NOTCH2: variants seen among roughly 807,000 people sequenced by gnomAD.
NOTCH2 encodes notch receptor 2, also known as neurogenic locus notch homolog protein 2.
In NOTCH2, 29 loss-of-function variants were observed where a neutral mutation model predicts 235.8. The ratio of observed to expected loss-of-function variants is 0.12; its 90% CI spans 0.09 to 0.17. The LOEUF (loss-of-function observed/expected upper bound fraction) is 0.17. NOTCH2 is among the 10% of genes least tolerant of loss of function. The pLI is 1.00. For missense variants in NOTCH2, 2,285 were observed against 3,150.2 expected, an observed-to-expected ratio of 0.73 and a Z score of 6.57; for synonymous variants, 1,086 against 1,141.5, an observed-to-expected ratio of 0.95 and a Z score of 0.98.
Position 119,986,988 on chromosome 1 carries a change from G to GT in NOTCH2, c.845dup (p.Tyr282Ter), listed in dbSNP as rs1557834055. 1 of 1,613,658 alleles carries GT rather than the reference G, an allele frequency of 6.2e-7. No homozygotes were observed. Residue 282 changes from tyrosine (Y) to a stop codon, truncating the protein, a stop_gained and frameshift_variant, in exon 5 of 34, where the codon TAC becomes TAAC. Transcript: ENST00000256646. LOFTEE classifies it high-confidence loss of function. ...TCCATTGTGGGGGACAGCGGCAGTT[G>GT]TAAGTGTTGACCCCATCCACACAAA... ...GGVCVDGVNT[Y>*]NCRCPPQWTG...
At chr1:120,065,171 T>C (rs1307764926) in intron 1 of NOTCH2, among the ~76,000 whole-genome samples, 6 of 152,252 alleles carry the variant, frequency 3.9e-5, no homozygotes, top group African/African-American at 1.4e-4. Flanking sequence ...ATGAAACATC[T>C]GGGGAAGGGA....
chr1:119,925,888 C>A, intron 24 of NOTCH2, 78 bp from the exon 25 acceptor site: 2 of 1,521,810 alleles, frequency 1.3e-6, no homozygotes, highest in Middle Eastern at 3.4e-4. Context: ...TTCTAGAAAA[C>A]CTCCACATCT....
chr1:119,964,864 A>C (rs1651075606), intron 10 of NOTCH2, among the ~76,000 whole-genome samples: 1 of 152,242 alleles, frequency 6.6e-6, no homozygotes, highest in Non-Finnish European at 1.5e-5. Context: ...CAAGTACAAA[A>C]TGTGATTACA....
rs1557825926 is a variant in NOTCH2, at chr1:119,967,767, TA to T, written c.1265-147del. The T allele has an allele frequency of 4.6e-5, 36 of 785,332 alleles. No homozygotes were observed. The South Asian group carries it at 5.8e-4, about 13-fold the overall frequency. 48.6% of individuals were successfully genotyped at this position (785,332 alleles called of 1,614,324 possible). A position where few individuals can be genotyped will look rare whatever the true frequency, so the allele number is the denominator to read the frequency against. On this transcript the variant is annotated intron_variant, in intron 7 of 33. Coordinates refer to ENST00000256646, the MANE Select transcript of NOTCH2 (RefSeq NM_024408.4). ...ATTTTCTATTTTTTTTTCCTTAATT[TA>T]AAAAGAAATAAAAGCGGAGTATCCT... is the stretch of plus-strand genomic sequence containing the variant.
At chr1:120,002,487 T>C (rs1159565939) in intron 3 of NOTCH2, among the ~76,000 whole-genome samples, 1 of 151,744 alleles carries the variant, frequency 6.6e-6, no homozygotes, top group Middle Eastern at 3.4e-3. Flanking sequence ...GAACTACAAA[T>C]GGTCCCACCT....
At chr1:119,931,555 C>T (rs2493389) in intron 22 of NOTCH2, among the ~76,000 whole-genome samples, 24,509 of 151,782 alleles carry the variant, frequency 0.16, 2,654 homozygotes, top group African/African-American at 0.3. Context: ...TGAAATAGAA[C>T]GTTATTGGTG....
intron 19 of NOTCH2, among the ~76,000 whole-genome samples, chr1:119,939,657 G>A (rs1481726208): frequency 1.3e-5 from 2 of 152,206 alleles, no homozygotes; most frequent in African/African-American, 4.8e-5. Flanking sequence ...GGCCCCTTGA[G>A]GAGAGGAAGG....
Position 119,968,096 on chromosome 1 carries a change from ATCT to A in NOTCH2, c.1242_1244del (p.Glu414del), listed in dbSNP as rs1651215928. ...ACTCACCCATGGCACATTCATCCAC[ATCT>A]TCTGTGCAGTCAGCCCCTTTGTAGC... On this transcript the variant is annotated inframe_deletion, in exon 7 of 34. Coordinates refer to ENST00000256646, the MANE Select transcript of NOTCH2 (RefSeq NM_024408.4). 6.2e-7 allele frequency: 1 copy of A among 1,614,096 alleles called. No individual in the cohort carries two copies. Among genetic ancestry groups the A allele is most frequent in the Non-Finnish European group, 8.5e-7 (1 of 1,179,960 alleles).
At chr1:119,950,228 T>C in intron 15 of NOTCH2, 1 of 352,132 alleles carries the variant, frequency 2.8e-6, no homozygotes, top group South Asian at 2.2e-5. Flanking sequence ...TACTTACCTA[T>C]ATGACCTTGA....
chr1:119,959,582 G>A, intron 11 of NOTCH2, 80 bp from the exon 12 acceptor site: 1 of 820,192 alleles, frequency 1.2e-6, no homozygotes, highest in Non-Finnish European at 2.1e-6. Flanking sequence ...GCAGCAACGT[G>A]GTAAGAAATC....
chr1:120,029,436 C>T (rs587744817), intron 2 of NOTCH2, among the ~76,000 whole-genome samples: 12 of 151,936 alleles, frequency 7.9e-5, no homozygotes, highest in Admixed American at 2.6e-4. Context: ...CTGCAACCTC[C>T]GCCTCCTGGG....
At chr1:119,970,451 A>G (rs2101149977) in intron 5 of NOTCH2, among the ~76,000 whole-genome samples, 1 of 152,314 alleles carries the variant, frequency 6.6e-6, no homozygotes, top group Middle Eastern at 3.4e-3. Context: ...GCTCAGCCTG[A>G]GGCACCCATA....
Position 119,917,722 on chromosome 1 carries a change from C to T in NOTCH2, c.5970G>A (p.Val1990=). ...TTTTCAACAACAAAAGAGTTGCCTC[C>T]ACATTATTGACAGCAGCTGCCCAGT... ...ALHWAAAVNN[V]EATLLLLKNG... Residue 1990 remains valine, a synonymous_variant, in exon 33 of 34, where the codon GTG becomes GTA. Transcript: ENST00000256646. 1 of 1,613,966 alleles carries T rather than the reference C, an allele frequency of 6.2e-7. No homozygotes were observed. Among genetic ancestry groups the T allele is most frequent in the Non-Finnish European group, 8.5e-7 (1 of 1,179,906 alleles).
intron 26 of NOTCH2, among the ~76,000 whole-genome samples, chr1:119,923,086 GTCT>G (rs1376780532): frequency 3.3e-5 from 5 of 152,166 alleles, no homozygotes; most frequent in Admixed American, 6.5e-5. Context: ...GGTTTCAGTG[GTCT>G]TCTTCCACTC....
intron 5 of NOTCH2, among the ~76,000 whole-genome samples, chr1:119,979,492 G>A (rs1651727985): frequency 6.6e-6 from 1 of 152,176 alleles, no homozygotes; most frequent in Admixed American, 6.5e-5. Context: ...GATACAACTT[G>A]TGTATGAAGG....
In NOTCH2 at chr1:119,941,530, C is replaced by T. The variant is rs1553196452; in HGVS notation, c.2977G>A (p.Glu993Lys). ...HCENNINECTESSCFNGGTCV... is the reference protein window; with the variant it reads ...HCENNINECTKSSCFNGGTCV... The stretch of plus-strand genomic sequence containing the variant: ...CCCGAGGGACTGGTTGCTCACCTCT[C>T]AGTGCACTCATTGATGTTGTTCTCA... Residue 993 changes from glutamate (E) to lysine (K), a missense_variant, in exon 18 of 34, where the codon GAG becomes AAG. By Grantham distance (56) the Glu-to-Lys change is moderately conservative. Around this residue, in one of 6 missense-constraint regions of NOTCH2, gnomAD observed 1,173 missense variants for 1,515.3 expected, o/e 0.77. Transcript: ENST00000256646. The T allele has an allele frequency of 6.2e-7, 1 of 1,610,780 alleles. No individual in the cohort carries two copies. The highest frequency in any genetic ancestry group is 1.3e-5 in the African/African-American group (1 of 74,854).
intron 5 of NOTCH2, among the ~76,000 whole-genome samples, chr1:119,977,691 A>G (rs1295124604): frequency 2.0e-5 from 3 of 152,220 alleles, no homozygotes; most frequent in East Asian, 1.9e-4. Flanking sequence ...TATAGTCTTC[A>G]TATATAATTA....
Position 120,060,419 on chromosome 1 carries a change from T to C in NOTCH2, c.73+8915A>G, listed in dbSNP as rs1170811586. The stretch of plus-strand genomic sequence containing the variant: ...CAATAGTATATTATGTGTGTGTGCA[T>C]ATATATATATGTAGATCTGTTCATA... On this transcript the variant is annotated intron_variant, in intron 1 of 33. Coordinates refer to ENST00000256646, the MANE Select transcript of NOTCH2 (RefSeq NM_024408.4). Among the ~76,000 whole-genome samples the C allele has an allele frequency of 1.2e-3, 182 of 148,184 alleles. 4 individuals carry two copies. The highest frequency in any genetic ancestry group is 4.5e-4 in the Non-Finnish European group (30 of 66,954).
intron 1 of NOTCH2, among the ~76,000 whole-genome samples, chr1:120,048,445 C>CTTTT (rs782527466): frequency 9.0e-5 from 9 of 100,390 alleles, no homozygotes; most frequent in African/African-American, 2.0e-4. Context: ...CCCAATACCA[C>CTTTT]TTTTTTTTTT....
Sources: allele counts gnomAD v4.1 joint callset (sites outside exome capture counted in the v4.1 genomes callset), GRCh38; gene constraint gnomAD v4.1.1; regional missense constraint gnomAD v4.1.1; transcripts MANE v1.5; gene names NCBI Gene and HGNC (gene_info 2026-07-23, HGNC 2026-07-21).